Variants in RNF180 observed in about 807,000 individuals in gnomAD.
The protein encoded by RNF180 is ring finger protein 180, also known as E3 ubiquitin-protein ligase RNF180.
In RNF180, 38 loss-of-function variants were observed where a neutral mutation model predicts 59.2. That is an observed-to-expected ratio of 0.64 (90% CI 0.50 to 0.84). RNF180 has a LOEUF of 0.84. Ranked by LOEUF, RNF180 falls within the 40% of genes least tolerant of loss-of-function variation. RNF180 has a pLI of 0.00. For synonymous variants in RNF180, 262 were observed against 240.3 expected (o/e 1.09, Z -0.84); for missense variants, 705 against 700.9 (o/e 1.01, Z -0.07).
chr5:64,173,330 G>T lies in RNF180; in HGVS notation c.-1+7377G>T, dbSNP rs144734212. 1.9e-3 allele frequency among the ~76,000 whole-genome samples: 295 copies of T among 152,048 alleles called. 2 individuals carry two copies. The highest frequency in any genetic ancestry group is 3.2e-3 in the Non-Finnish European group (220 of 67,978). The stretch of plus-strand genomic sequence containing the variant: ...TTGTAAATAGCCATTTAATTTCACT[G>T]TACTTTTATTTATAATTGACACATT... On this transcript the variant is annotated intron_variant, in intron 1 of 7. Coordinates refer to ENST00000389100, the MANE Select transcript of RNF180 (RefSeq NM_001113561.2).
rs111662194 is a variant in RNF180, at chr5:64,228,283, G to A, written c.1227+10887G>A. Among the ~76,000 whole-genome samples the A allele has an allele frequency of 3.7e-3, 562 of 152,246 alleles. 1 individual carries two copies. The highest frequency in any genetic ancestry group is 0.013 in the African/African-American group (530 of 41,540). ...AAATCCTAGCCTTTGGGAGGCTGAC[G>A]CAAGAGGACTGCTTGAGCCCAGGAG... is the stretch of plus-strand genomic sequence containing the variant. On this transcript the variant is annotated intron_variant, in intron 5 of 7. Transcript: ENST00000389100.
chr5:64,367,537 A>G (rs1006254604), intron 7 of RNF180, among the ~76,000 whole-genome samples: 1 of 151,668 alleles, frequency 6.6e-6, no homozygotes. Context: ...TTATCTTTTT[A>G]AATTTCATGT....
rs543200320 is a variant in RNF180 at position 64,309,907 on chromosome 5, G to A, written c.1228-15279G>A. On this transcript the variant is annotated intron_variant, in intron 5 of 7. Transcript: ENST00000389100. ...CCATTCATCTTTTGGCGAAAATGTCGTTTAACAGTCAAAGGAACAAAGGCC... is the reference window on the plus strand; with the variant it reads ...CCATTCATCTTTTGGCGAAAATGTCATTTAACAGTCAAAGGAACAAAGGCC... 1.9e-4 allele frequency among the ~76,000 whole-genome samples: 29 copies of A among 151,564 alleles called. 1 individual carries two copies. The highest frequency in any genetic ancestry group is 5.9e-4 in the Admixed American group (9 of 15,172).
rs1463684456 is a variant in RNF180, at chr5:64,192,917, A to G, written c.1-7891A>G. ...AAGTGTGGCATGTATATATATATAT[A>G]TATATATATATATATATATATAAAA... On this transcript the variant is annotated intron_variant, in intron 1 of 7. Transcript: ENST00000389100. Among the ~76,000 whole-genome samples the G allele has an allele frequency of 7.1e-4, 94 of 132,234 alleles. 4 individuals are homozygous for G. The highest frequency in any genetic ancestry group is 2.3e-3 in the African/African-American group (72 of 31,690). The allele number at this position is 132,234 out of a possible 152,430, so 86.8% of individuals were successfully genotyped here. A position where few individuals can be genotyped will look rare whatever the true frequency, so the allele number is the denominator to read the frequency against.
At chr5:64,239,827 C>G (rs1454395922) in intron 5 of RNF180, among the ~76,000 whole-genome samples, 1 of 152,140 alleles carries the variant, frequency 6.6e-6, no homozygotes, top group East Asian at 1.9e-4. Context: ...GGGAACAGAT[C>G]TGTACCTTAA....
At chr5:64,341,654 G>A (rs1265702842) in intron 7 of RNF180, among the ~76,000 whole-genome samples, 1 of 152,076 alleles carries the variant, frequency 6.6e-6, no homozygotes, top group African/African-American at 2.4e-5. Context: ...AGACCTCATG[G>A]TAGGTTTAGA....
At chr5:64,189,939 C>T (rs576582034) in intron 1 of RNF180, among the ~76,000 whole-genome samples, 1 of 152,302 alleles carries the variant, frequency 6.6e-6, no homozygotes, top group Non-Finnish European at 1.5e-5. Flanking sequence ...ATGCCTTATC[C>T]TTCAACAAAA....
Position 64,341,846 on chromosome 5 carries a change from A to G in RNF180, c.1579+11440A>G, listed in dbSNP as rs368859266. 1.3e-4 allele frequency among the ~76,000 whole-genome samples: 20 copies of G among 152,258 alleles called. No homozygotes were observed. In the East Asian group the frequency reaches 1.3e-3, roughly 10 times the overall value. ...TACCTTTTATACCAAATGATCAAAA[A>G]TGTTATGAAAAGTTATAGCAGATCT... is the stretch of plus-strand genomic sequence containing the variant. On this transcript the variant is annotated intron_variant, in intron 7 of 7. Coordinates refer to ENST00000389100, the MANE Select transcript of RNF180 (RefSeq NM_001113561.2).
intron 5 of RNF180, among the ~76,000 whole-genome samples, chr5:64,223,624 G>A (rs1179468724): frequency 6.6e-6 from 1 of 152,080 alleles, no homozygotes; most frequent in African/African-American, 2.4e-5. Flanking sequence ...CAAAGTTTGT[G>A]CCCTTAACCA....
chr5:64,324,117 A>C (rs1744509184), intron 5 of RNF180, among the ~76,000 whole-genome samples: 1 of 152,258 alleles, frequency 6.6e-6, no homozygotes, highest in Non-Finnish European at 1.5e-5. Context: ...TTCTGATCAC[A>C]AAAGCATCAC....
At chr5:64,263,481 T>C (rs1418481079) in intron 5 of RNF180, among the ~76,000 whole-genome samples, 1 of 152,192 alleles carries the variant, frequency 6.6e-6, no homozygotes, top group Non-Finnish European at 1.5e-5. Flanking sequence ...ATTAACTATG[T>C]AATGAACCTT....
At chr5:64,299,230 T>G (rs1743042081) in intron 5 of RNF180, among the ~76,000 whole-genome samples, 1 of 151,994 alleles carries the variant, frequency 6.6e-6, no homozygotes, top group African/African-American at 2.4e-5. Flanking sequence ...AACTTTGAGA[T>G]ATAAATTTCT....
rs1279043084 is a variant in RNF180, at chr5:64,371,590, C to T, written c.*1776C>T. 6.6e-6 allele frequency: 1 copy of T among 151,508 alleles called. No individual in the cohort carries two copies. Among genetic ancestry groups the T allele is most frequent in the African/African-American group, 2.4e-5 (1 of 41,362 alleles). The allele number at this position is 151,508 out of a possible 1,614,324, so 9.4% of individuals were successfully genotyped here. A position where few individuals can be genotyped will look rare whatever the true frequency, so the allele number is the denominator to read the frequency against. ...GTGATACATATCAGTTTATAGATCT[C>T]AGTCTACTAAATATTTATGATACCC... On this transcript the variant is annotated 3_prime_UTR_variant, in exon 8 of 8. Coordinates refer to ENST00000389100, the MANE Select transcript of RNF180 (RefSeq NM_001113561.2).
chr5:64,369,543 A>T, intron 7 of RNF180, 72 bp from the exon 8 acceptor site: 1 of 882,422 alleles, frequency 1.1e-6, no homozygotes, highest in Non-Finnish European at 1.6e-6. Flanking sequence ...GTTTAACTGT[A>T]CTTGTGTACA....
Position 64,371,245 on chromosome 5 carries a change from G to C in RNF180, c.*1431G>C, listed in dbSNP as rs777149865. On this transcript the variant is annotated 3_prime_UTR_variant, in exon 8 of 8. Transcript: ENST00000389100. The stretch of plus-strand genomic sequence containing the variant: ...AAATCAGAACACTAAGTACAATTTA[G>C]AAACACAGATAAATTTATACTTATA... The C allele has an allele frequency of 2.0e-5, 3 of 151,434 alleles. No homozygotes were observed. Among genetic ancestry groups the C allele is most frequent in the Non-Finnish European group, 3.0e-5 (2 of 67,654 alleles). The allele number at this position is 151,434 out of a possible 1,614,324, so 9.4% of individuals were successfully genotyped here.
intron 5 of RNF180, among the ~76,000 whole-genome samples, chr5:64,218,838 A>T (rs1165226714): frequency 6.6e-6 from 1 of 152,106 alleles, no homozygotes. Context: ...GTTATTTAAA[A>T]TTTTTTTGAC....
intron 5 of RNF180, among the ~76,000 whole-genome samples, chr5:64,292,853 C>T (rs1457369230): frequency 6.6e-6 from 1 of 152,226 alleles, no homozygotes; most frequent in Admixed American, 6.5e-5. Flanking sequence ...AGTGAGGCCC[C>T]ACCCAGTGAG....
intron 5 of RNF180, among the ~76,000 whole-genome samples, chr5:64,315,589 A>G (rs1400480902): frequency 6.6e-6 from 1 of 152,024 alleles, no homozygotes; most frequent in Non-Finnish European, 1.5e-5. Context: ...TACTAAAAAT[A>G]CAAAATTAGC....
chr5:64,191,595 A>AT (rs1417024470), intron 1 of RNF180, among the ~76,000 whole-genome samples: 1 of 152,104 alleles, frequency 6.6e-6, no homozygotes, highest in Non-Finnish European at 1.5e-5. Context: ...ATACAAACAT[A>AT]TTTTTTCTGT....
Sources: gnomAD v4.1 joint callset for allele counts (sites outside exome capture counted in the v4.1 genomes callset) on GRCh38, gnomAD v4.1.1 for gene constraint, MANE v1.5 for transcripts, NCBI Gene and HGNC (gene_info 2026-07-23, HGNC 2026-07-21) for gene names.